The following ADAM11 variants were observed in gnomAD, a reference collection of about 807,000 sequenced individuals.
The protein encoded by ADAM11 is disintegrin and metalloproteinase domain-containing protein 11.
Under a neutral mutation model 119.1 loss-of-function variants are expected in ADAM11, and 49 were observed. The observed-to-expected ratio is 0.41, with a 90% confidence interval of 0.33 to 0.52. ADAM11 has a LOEUF of 0.52. ADAM11 is among the 20% of genes least tolerant of loss of function. The pLI, the probability that ADAM11 is intolerant of heterozygous loss-of-function variation, is 0.20. For missense variants in ADAM11, 777 were observed against 1,047.5 expected (o/e 0.74, Z 3.56); for synonymous variants, 364 against 408.0 (o/e 0.89, Z 1.30).
chr17:44,768,451 C>T (rs925968826), intron 2 of ADAM11, among the ~76,000 whole-genome samples: 1 of 152,168 alleles, frequency 6.6e-6, no homozygotes, highest in African/African-American at 2.4e-5. Flanking sequence ...TTTTACTCCA[C>T]CTTTGGGGTG....
intron 14 of ADAM11, 36 bp downstream of exon 14, chr17:44,774,785 G>A (rs2049576260): frequency 1.9e-6 from 3 of 1,586,682 alleles, no homozygotes; most frequent in Non-Finnish European, 2.6e-6. Context: ...GAAGGTCTTG[G>A]GCGAGGGGAG....
intron 24 of ADAM11, 40 bp from the exon 25 acceptor site, chr17:44,778,112 A>G (rs1253968022): frequency 6.2e-7 from 1 of 1,612,184 alleles, no homozygotes; most frequent in Admixed American, 1.7e-5. Flanking sequence ...CCTGCTCTCT[A>G]TGCCTGTCCT....
intron 2 of ADAM11, 97 bp from the exon 3 acceptor site, chr17:44,769,621 A>AACC: frequency 2.8e-6 from 2 of 704,854 alleles, no homozygotes; most frequent in South Asian, 1.6e-5. Context: ...AGGGCTGGCC[A>AACC]CCCCTTCCCC....
At chr17:44,765,176 G>A (rs1277230055) in intron 2 of ADAM11, among the ~76,000 whole-genome samples, 4 of 135,508 alleles carry the variant, frequency 3.0e-5, no homozygotes, top group Non-Finnish European at 6.1e-5. Context: ...GATAAATGGA[G>A]CACCCAACAC....
chr17:44,767,605 TTGGGGGCTCTCCCAGCCCCCTCC>T (rs2049466608), intron 2 of ADAM11, among the ~76,000 whole-genome samples: 1 of 152,176 alleles, frequency 6.6e-6, no homozygotes, highest in African/African-American at 2.4e-5. Context: ...CCTACCGCCT[TTGGGGGCTCTCCCAGCCCCCTCC>T]TGGGCCACCT....
chr17:44,776,336 G>A lies in ADAM11; in HGVS notation c.1566+129G>A. ...AGCTGGCATCGACCTCCACTGATCA[G>A]ACTGTTTTCTTATCTGAGAAAGGGG... On this transcript the variant is annotated intron_variant, in intron 18 of 26. Coordinates refer to ENST00000200557, the MANE Select transcript of ADAM11 (RefSeq NM_002390.6). The surrounding 1 kb of genome is among the most constrained non-coding windows in gnomAD (Gnocchi z 5.2). 4.2e-6 allele frequency: 4 copies of A among 942,372 alleles called. No individual in the cohort carries two copies. Among genetic ancestry groups the A allele is most frequent in the Non-Finnish European group, 6.5e-6 (4 of 617,014 alleles). 58.4% of individuals were successfully genotyped at this position (942,372 alleles called of 1,614,324 possible). A position where few individuals can be genotyped will look rare whatever the true frequency, so the allele number is the denominator to read the frequency against.
chr17:44,769,622 C>A, intron 2 of ADAM11, 96 bp from the exon 3 acceptor site: 5 of 796,358 alleles, frequency 6.3e-6, no homozygotes, highest in Admixed American at 4.3e-5. Flanking sequence ...GGGCTGGCCA[C>A]CCCTTCCCCA....
chr17:44,760,872 G>A (rs1001363806), intron 2 of ADAM11, among the ~76,000 whole-genome samples: 1 of 152,166 alleles, frequency 6.6e-6, no homozygotes, highest in Non-Finnish European at 1.5e-5. Context: ...CTTAAGGGAG[G>A]GGAGCAGAGG....
rs1305454769 is a variant in ADAM11 at position 44,779,911 on chromosome 17, C to T, written c.*157C>T. 3 of 1,118,630 alleles carry T rather than the reference C, an allele frequency of 2.7e-6. No homozygotes were observed. Among genetic ancestry groups the T allele is most frequent in the South Asian group, 2.6e-5 (2 of 76,368 alleles). 69.3% of individuals were successfully genotyped at this position (1,118,630 alleles called of 1,614,324 possible). A position where few individuals can be genotyped will look rare whatever the true frequency, so the allele number is the denominator to read the frequency against. On this transcript the variant is annotated 3_prime_UTR_variant, in exon 27 of 27. Coordinates refer to ENST00000200557, the MANE Select transcript of ADAM11 (RefSeq NM_002390.6). ...GCAGGGGTTTGGGTGGGGGCTGTGG[C>T]CCTGCCCTTGGCACCACCAGGGTGG... is the stretch of plus-strand genomic sequence containing the variant.
At chr17:44,759,660 C>T in intron 1 of ADAM11, 62 bp from the exon 2 acceptor site, 1 of 1,310,454 alleles carries the variant, frequency 7.6e-7, no homozygotes, top group Non-Finnish European at 9.8e-7. Flanking sequence ...ATGCCCACCC[C>T]ATTCCCAAGT....
rs1398319136 is a variant in ADAM11, at chr17:44,773,323, G to A, written c.888G>A (p.Gly296=). 1 of 1,614,032 alleles carries A rather than the reference G, an allele frequency of 6.2e-7. No individual in the cohort carries two copies. The highest frequency in any genetic ancestry group is 8.5e-7 in the Non-Finnish European group (1 of 1,180,022). Reference sequence around the variant, plus strand: ...TTGCCATGGAAACATGGGCAGATGGGGACAAGATCCAGGTGCAGGATGACC... The same window carrying A: ...TTGCCATGGAAACATGGGCAGATGGAGACAAGATCCAGGTGCAGGATGACC... The part of the protein sequence containing the change: ...VLVAMETWAD[G]DKIQVQDDLL... Residue 296 remains glycine, a synonymous_variant, in exon 11 of 27, where the codon GGG becomes GGA. Transcript: ENST00000200557. The surrounding 1 kb of genome is among the most constrained non-coding windows in gnomAD (Gnocchi z 4.6).
Position 44,772,907 on chromosome 17 carries a change from A to T in ADAM11, c.729A>T (p.Leu243=). 1 of 1,614,044 alleles carries T rather than the reference A, an allele frequency of 6.2e-7. No homozygotes were observed. The highest frequency in any genetic ancestry group is 2.2e-5 in the East Asian group (1 of 44,860). ...TVHSETKYVE[L]IVINDHQLFE... is the part of the protein sequence containing the mutation. ...ACAGTGAAACCAAGTATGTGGAGCT[A>T]ATTGTGATCAACGACCACCAGCTGG... Residue 243 remains leucine, a synonymous_variant, in exon 9 of 27, where the codon CTA becomes CTT. Transcript: ENST00000200557. This position sits in a 1 kb window ranked among gnomAD's most constrained non-coding sequence, Gnocchi z 4.5.
chr17:44,771,936 C>T (rs551372201), intron 6 of ADAM11, 105 bp downstream of exon 6: 26 of 1,345,712 alleles, frequency 1.9e-5, no homozygotes, highest in Middle Eastern at 2.2e-4. Flanking sequence ...CCCTCAGTAA[C>T]CCCAGCCTCA....
At chr17:44,767,071 A>C (rs980017581) in intron 2 of ADAM11, among the ~76,000 whole-genome samples, 1 of 152,078 alleles carries the variant, frequency 6.6e-6, no homozygotes, top group Non-Finnish European at 1.5e-5. Flanking sequence ...TTAAAAAAAG[A>C]ACATTCGCTG....
chr17:44,779,283 C>T, intron 26 of ADAM11, 44 bp downstream of exon 26: 4 of 1,553,822 alleles, frequency 2.6e-6, no homozygotes, highest in Non-Finnish European at 3.5e-6. Context: ...CCGGCCACGT[C>T]ATCCCTCCCG....
chr17:44,773,226 A>G lies in ADAM11; in HGVS notation c.826-35A>G. ...TCCTCCAGCCCTGGCCCCAACACCC[A>G]CTCCCACCCTCCAGCCCCCTCATCT... On this transcript the variant is annotated intron_variant, in intron 10 of 26. Transcript: ENST00000200557. This position sits in a 1 kb window ranked among gnomAD's most constrained non-coding sequence, Gnocchi z 4.6. 2 of 1,594,916 alleles carry G rather than the reference A, an allele frequency of 1.3e-6. No homozygotes were observed. The highest frequency in any genetic ancestry group is 1.1e-5 in the South Asian group (1 of 90,398).
Position 44,774,275 on chromosome 17 carries a change from G to C in ADAM11, c.993-20G>C. 6.9e-7 allele frequency: 1 copy of C among 1,447,136 alleles called. No individual in the cohort carries two copies. The highest frequency in any genetic ancestry group is 9.1e-7 in the Non-Finnish European group (1 of 1,097,392). 89.6% of individuals were successfully genotyped at this position (1,447,136 alleles called of 1,614,324 possible). A position where few individuals can be genotyped will look rare whatever the true frequency, so the allele number is the denominator to read the frequency against. ...ACAGGGGAGGGCAGGAGGCCATCCT[G>C]ACAGCGCACTCCCTTCCAGGGGCAG... On this transcript the variant is annotated intron_variant, in intron 11 of 26. Transcript: ENST00000200557.
intron 25 of ADAM11, 127 bp downstream of exon 25, chr17:44,778,369 GTAGCCTGCAGGGCTTAAC>G: frequency 1.1e-6 from 1 of 946,466 alleles, no homozygotes. Context: ...ATAGGTCCAA[GTAGCCTGCAGGGCTTAAC>G]ATTTAGAAAC....
At chr17:44,760,974 C>T (rs1455352758) in intron 2 of ADAM11, among the ~76,000 whole-genome samples, 1 of 104,826 alleles carries the variant, frequency 9.5e-6, no homozygotes, top group Non-Finnish European at 1.8e-5. Flanking sequence ...CACTCAGGGC[C>T]GTGCAGAGGG....
Sources: allele counts gnomAD v4.1 joint callset (sites outside exome capture counted in the v4.1 genomes callset), GRCh38; gene constraint gnomAD v4.1.1; non-coding constraint Gnocchi (gnomAD v3.1); transcripts MANE v1.5; gene names NCBI Gene and HGNC (gene_info 2026-07-23, HGNC 2026-07-21).